ADCY8: variants seen among roughly 807,000 people sequenced by gnomAD.
The protein encoded by ADCY8 is adenylate cyclase type 8.
A neutral mutation model predicts 119.7 loss-of-function variants in ADCY8; 51 were observed. The observed-to-expected ratio is 0.43, with a 90% CI of 0.34 to 0.54. The LOEUF is 0.54. Ranked by LOEUF, ADCY8 falls within the 20% of genes least tolerant of loss-of-function variation. ADCY8 has a pLI of 0.03. For missense variants in ADCY8, 1,383 were observed against 1,598.8 expected, an observed-to-expected ratio of 0.87 and a Z score of 2.30; for synonymous variants, 665 against 651.0, an observed-to-expected ratio of 1.02 and a Z score of -0.33.
At chr8:130,933,989 T>C (rs1820708867) in intron 5 of ADCY8, among the ~76,000 whole-genome samples, 1 of 152,200 alleles carries the variant, frequency 6.6e-6, no homozygotes, top group Non-Finnish European at 1.5e-5. Flanking sequence ...ATAAATTTAA[T>C]TGTTCCCCTA....
chr8:130,832,636 G>A (rs1816873427), intron 12 of ADCY8, among the ~76,000 whole-genome samples: 2 of 152,104 alleles, frequency 1.3e-5, no homozygotes, highest in African/African-American at 2.4e-5. Context: ...GCCAATGATT[G>A]TTCTCAAGTC....
rs1051803489 is a variant in ADCY8, at chr8:130,873,750, G to A, written c.2110-5804C>T. On this transcript the variant is annotated intron_variant, in intron 8 of 17. Coordinates refer to ENST00000286355, the MANE Select transcript of ADCY8 (RefSeq NM_001115.3). ...CACTAATATCTCTCAGGTATAAGCT[G>A]TTAACTCCTGCTTGAATATTTCCAG... Among the ~76,000 whole-genome samples the A allele has an allele frequency of 2.0e-5, 3 of 152,110 alleles. No individual in the cohort carries two copies. In the South Asian group the frequency reaches 6.2e-4, roughly 31 times the overall value.
chr8:130,897,040 C>G (rs1819416328), intron 7 of ADCY8, among the ~76,000 whole-genome samples: 1 of 152,120 alleles, frequency 6.6e-6, no homozygotes, highest in Non-Finnish European at 1.5e-5. Flanking sequence ...CCCAAGGTCT[C>G]TTAGTAGCAA....
intron 5 of ADCY8, among the ~76,000 whole-genome samples, chr8:130,926,960 T>TAC (rs994026320): frequency 2.4e-4 from 35 of 144,130 alleles, no homozygotes; most frequent in South Asian, 6.5e-4. Flanking sequence ...TATATATATA[T>TAC]ACACACACCA....
At chr8:130,958,753 A>G (rs570930227) in intron 2 of ADCY8, among the ~76,000 whole-genome samples, 1 of 152,266 alleles carries the variant, frequency 6.6e-6, no homozygotes, top group South Asian at 2.1e-4. Context: ...GGATTATTAC[A>G]ATTCAAGGTG....
chr8:130,995,926 C>T (rs1287018683), intron 1 of ADCY8, among the ~76,000 whole-genome samples: 3 of 152,054 alleles, frequency 2.0e-5, no homozygotes, highest in Non-Finnish European at 4.4e-5. Context: ...AACTAGCATC[C>T]AGCACAGTAA....
At chr8:131,001,993 C>T (rs1204177819) in intron 1 of ADCY8, among the ~76,000 whole-genome samples, 1 of 152,208 alleles carries the variant, frequency 6.6e-6, no homozygotes, top group Non-Finnish European at 1.5e-5. Flanking sequence ...TCCTTATCCT[C>T]ACTACGGGAG....
chr8:130,801,733 G>A (rs1815783376), intron 14 of ADCY8, among the ~76,000 whole-genome samples: 1 of 152,072 alleles, frequency 6.6e-6, no homozygotes, highest in South Asian at 2.1e-4. Flanking sequence ...GAACAGTCTA[G>A]CCTGCAGTCA....
At chr8:130,949,926 A>G (rs982039963) in intron 3 of ADCY8, among the ~76,000 whole-genome samples, 2 of 152,188 alleles carry the variant, frequency 1.3e-5, no homozygotes, top group African/African-American at 4.8e-5. Flanking sequence ...TTGCAAACTC[A>G]AGCATCTAAA....
chr8:130,811,688 T>G (rs897248207), intron 14 of ADCY8, among the ~76,000 whole-genome samples: 6 of 152,210 alleles, frequency 3.9e-5, no homozygotes, highest in African/African-American at 1.4e-4. Flanking sequence ...CACAGGCATT[T>G]TAAGAGCAGG....
At chr8:131,024,180 C>T (rs1823756753) in intron 1 of ADCY8, among the ~76,000 whole-genome samples, 2 of 152,192 alleles carry the variant, frequency 1.3e-5, no homozygotes, top group South Asian at 2.1e-4. Context: ...TTGTGGACCA[C>T]TGTCGCGTGT....
At chr8:130,795,645 G>C (rs1815557181) in intron 15 of ADCY8, among the ~76,000 whole-genome samples, 1 of 152,200 alleles carries the variant, frequency 6.6e-6, no homozygotes, top group African/African-American at 2.4e-5. Flanking sequence ...AGACGGAGCA[G>C]AAGATGGGTT....
At chr8:130,952,515 G>T (rs1821304288) in intron 2 of ADCY8, among the ~76,000 whole-genome samples, 1 of 152,142 alleles carries the variant, frequency 6.6e-6, no homozygotes, top group African/African-American at 2.4e-5. Context: ...ATGAGCAATG[G>T]TGTGGCTGGA....
chr8:131,038,175 A>G (rs528821297), intron 1 of ADCY8, among the ~76,000 whole-genome samples: 3 of 152,310 alleles, frequency 2.0e-5, no homozygotes, highest in Admixed American at 6.5e-5. Flanking sequence ...CAGTGCTGGC[A>G]ATCTAAACAT....
At chr8:131,002,578 GAGAA>G (rs1249984034) in intron 1 of ADCY8, among the ~76,000 whole-genome samples, 1 of 151,894 alleles carries the variant, frequency 6.6e-6, no homozygotes, top group East Asian at 1.9e-4. Context: ...CACTGAATTG[GAGAA>G]AGAATTATAA....
At chr8:130,843,106 G>C (rs1817197526) in intron 11 of ADCY8, among the ~76,000 whole-genome samples, 1 of 151,920 alleles carries the variant, frequency 6.6e-6, no homozygotes, top group Non-Finnish European at 1.5e-5. Context: ...TATTTTAAAA[G>C]GTTTGATCTC....
At chr8:130,835,273 A>G (rs1816950903) in intron 12 of ADCY8, among the ~76,000 whole-genome samples, 1 of 152,210 alleles carries the variant, frequency 6.6e-6, no homozygotes, top group Non-Finnish European at 1.5e-5. Context: ...AAGTGCATGC[A>G]AAAAGGGAAC....
chr8:131,015,288 A>G (rs1207100867), intron 1 of ADCY8, among the ~76,000 whole-genome samples: 1 of 152,202 alleles, frequency 6.6e-6, no homozygotes, highest in African/African-American at 2.4e-5. Context: ...GAGAAAAATA[A>G]AGCTGATTAA....
At chr8:131,037,746 A>G (rs1319992185) in intron 1 of ADCY8, among the ~76,000 whole-genome samples, 3 of 152,146 alleles carry the variant, frequency 2.0e-5, no homozygotes, top group Non-Finnish European at 4.4e-5. Context: ...AGAGAATGAG[A>G]GAGCTTGGAA....
Sources: gnomAD v4.1 joint callset for allele counts (sites outside exome capture counted in the v4.1 genomes callset) on GRCh38, gnomAD v4.1.1 for gene constraint, MANE v1.5 for transcripts, NCBI Gene and HGNC (gene_info 2026-07-23, HGNC 2026-07-21) for gene names.